Variants in B4GALNT3 observed in about 807,000 individuals in gnomAD.
The protein encoded by B4GALNT3 is beta-1,4-N-acetylgalactosaminyltransferase 3.
In B4GALNT3, 86 loss-of-function variants were observed where a neutral mutation model predicts 120.2. The observed-to-expected ratio is 0.72, with a 90% CI of 0.60 to 0.86. The LOEUF (loss-of-function observed/expected upper bound fraction) is 0.86. Among genes scored for constraint, B4GALNT3 ranks in the 40% least tolerant of loss-of-function variants. B4GALNT3 has a pLI of 0.00. For synonymous variants in B4GALNT3, 518 were observed against 510.4 expected (o/e 1.01, Z -0.20); for missense variants, 1,167 against 1,298.9 (o/e 0.90, Z 1.56).
rs758728981 is a variant in B4GALNT3 at position 553,559 on chromosome 12, G to GGGCCCA, written c.1648_1653dup (p.Arg550_Pro551dup). On this transcript the variant is annotated inframe_insertion, in exon 14 of 20. Coordinates refer to ENST00000266383, the MANE Select transcript of B4GALNT3 (RefSeq NM_173593.4). Reference sequence around the variant, plus strand: ...TGTGAAGAACCTGCCTCAGATGAGGGGGCCCAGGCCCAGGCCCGCTGGTGA... The same window carrying GGGCCCA: ...TGTGAAGAACCTGCCTCAGATGAGGGGGCCCAGGCCCAGGCCCAGGCCCGCTGGTGA... 1.1e-5 allele frequency: 18 copies of GGGCCCA among 1,613,842 alleles called. No homozygotes were observed. The highest frequency in any genetic ancestry group is 8.0e-5 in the African/African-American group (6 of 74,948).
At chr12:512,225 T>C (rs1592032868) in intron 1 of B4GALNT3, among the ~76,000 whole-genome samples, 5 of 52,170 alleles carry the variant, frequency 9.6e-5, no homozygotes, top group Admixed American at 2.0e-4. Context: ...CCTTCCACCT[T>C]CTTCCACCTT....
chr12:460,519 A>G lies in B4GALNT3; in HGVS notation c.143A>G (p.Gln48Arg). 6.4e-7 allele frequency: 1 copy of G among 1,553,288 alleles called. No individual in the cohort carries two copies. Among genetic ancestry groups the G allele is most frequent in the Non-Finnish European group, 8.7e-7 (1 of 1,148,042 alleles). Residue 48 changes from glutamine to arginine, a missense_variant, in exon 1 of 20, where the codon CAG (glutamine) becomes CGG (arginine). Transcript: ENST00000266383. This position sits in a 1 kb window ranked among gnomAD's most constrained non-coding sequence, Gnocchi z 8.0. ...TLYLELVASA[Q>R]VGGNPLNRRY... Reference sequence around the variant, plus strand: ...TATCTGGAACTGGTGGCGTCGGCCCAGGTCGGCGGGAACCCCCTGAACCGG... The same window carrying G: ...TATCTGGAACTGGTGGCGTCGGCCCGGGTCGGCGGGAACCCCCTGAACCGG...
intron 1 of B4GALNT3, among the ~76,000 whole-genome samples, chr12:510,498 AAAC>A (rs1946537167): frequency 5.9e-4 from 87 of 147,394 alleles, no homozygotes; most frequent in South Asian, 1.1e-3. Context: ...GCTGGGAGGG[AAAC>A]GGGCCCTTTC....
chr12:511,465 TCCACCTTCTTCCACCTTCTTCCAC>T (rs1484285102), intron 1 of B4GALNT3, among the ~76,000 whole-genome samples: 17 of 80,426 alleles, frequency 2.1e-4, no homozygotes, highest in East Asian at 1.9e-3. Context: ...TCTTCCACCT[TCCACCTTCTTCCACCTTCTTCCAC>T]CTTCCACCTT....
intron 1 of B4GALNT3, among the ~76,000 whole-genome samples, chr12:512,991 T>TCCTTCCA (rs993481009): frequency 3.3e-5 from 4 of 122,998 alleles, no homozygotes; most frequent in Admixed American, 7.7e-5. Context: ...CCTTCGATCT[T>TCCTTCCA]CCTTCCACCT....
chr12:544,061 A>G (rs375867359), intron 3 of B4GALNT3, among the ~76,000 whole-genome samples: 1,125 of 27,498 alleles, frequency 0.041, no homozygotes, highest in Admixed American at 0.047. Context: ...TCATCTTCCC[A>G]GAGCTGAGGA....
chr12:494,843 A>G (rs140710517), intron 1 of B4GALNT3, among the ~76,000 whole-genome samples: 3 of 152,188 alleles, frequency 2.0e-5, no homozygotes, highest in African/African-American at 7.2e-5. Context: ...ATTCTTATGT[A>G]TTCTTTGATA....
chr12:552,610 C>T (rs1272132827), intron 13 of B4GALNT3, 82 bp downstream of exon 13: 3 of 1,362,178 alleles, frequency 2.2e-6, no homozygotes, highest in African/African-American at 2.9e-5. Context: ...CAGACCGTGC[C>T]AGCCCCGCCC....
At chr12:529,386 A>G (rs974050461) in intron 1 of B4GALNT3, among the ~76,000 whole-genome samples, 4 of 152,150 alleles carry the variant, frequency 2.6e-5, no homozygotes, top group African/African-American at 9.7e-5. Flanking sequence ...GACTTGCGCC[A>G]TCCGCTGGGT....
At chr12:502,814 G>C (rs1190473435) in intron 1 of B4GALNT3, among the ~76,000 whole-genome samples, 1 of 152,186 alleles carries the variant, frequency 6.6e-6, no homozygotes, top group Non-Finnish European at 1.5e-5. Flanking sequence ...GAGTGCAGTA[G>C]TGTGATCATA....
intron 1 of B4GALNT3, among the ~76,000 whole-genome samples, chr12:470,442 G>T (rs1004612457): frequency 6.6e-6 from 1 of 152,260 alleles, no homozygotes; most frequent in Admixed American, 6.5e-5. Flanking sequence ...AGCTGGTCCC[G>T]ACTGCTCACC....
At chr12:557,859 C>T (rs1242903796) in intron 16 of B4GALNT3, 98 bp downstream of exon 16, 1 of 1,489,276 alleles carries the variant, frequency 6.7e-7, no homozygotes, top group Non-Finnish European at 9.1e-7. Context: ...CCTGCCCAGC[C>T]TTCCTGATTC....
intron 1 of B4GALNT3, among the ~76,000 whole-genome samples, chr12:498,795 C>A (rs759654889): frequency 3.9e-5 from 6 of 152,186 alleles, no homozygotes; most frequent in Non-Finnish European, 5.9e-5. Flanking sequence ...CCTTCAAGCA[C>A]GCTGGACAGC....
intron 1 of B4GALNT3, among the ~76,000 whole-genome samples, chr12:511,915 TCTTCCAC>T (rs1174200582): frequency 3.8e-4 from 36 of 93,922 alleles, no homozygotes; most frequent in African/African-American, 1.3e-3. Flanking sequence ...CCTTCGACCT[TCTTCCAC>T]CTTCCACCTT....
chr12:519,196 C>T (rs1946683724), intron 1 of B4GALNT3, among the ~76,000 whole-genome samples: 1 of 152,220 alleles, frequency 6.6e-6, no homozygotes, highest in African/African-American at 2.4e-5. Flanking sequence ...TCTTACCCTA[C>T]AAATTGCCTA....
At chr12:557,321 G>A (rs371749519) in intron 15 of B4GALNT3, among the ~76,000 whole-genome samples, 8 of 152,200 alleles carry the variant, frequency 5.3e-5, no homozygotes, top group Admixed American at 1.3e-4. Context: ...CTAGTAGAGC[G>A]TGGCAGGGCT....
chr12:492,151 G>GA (rs1309772390), intron 1 of B4GALNT3, among the ~76,000 whole-genome samples: 2 of 151,564 alleles, frequency 1.3e-5, no homozygotes, highest in Admixed American at 6.6e-5. Context: ...ACAAGAAAAG[G>GA]AAAAAAAGGT....
chr12:464,976 A>T (rs1946062893), intron 1 of B4GALNT3, among the ~76,000 whole-genome samples: 1 of 152,170 alleles, frequency 6.6e-6, no homozygotes. Context: ...GAGAGAGGTA[A>T]TGCAGGGCAC....
intron 1 of B4GALNT3, among the ~76,000 whole-genome samples, chr12:510,481 T>TGGCGGGGCTGGGAG (rs1946536889): frequency 6.8e-6 from 1 of 147,608 alleles, no homozygotes; most frequent in Non-Finnish European, 1.5e-5. Flanking sequence ...TCAGGGGAGT[T>TGGCGGGGCTGGGAG]GGCTGGGCTG....
Sources: allele counts gnomAD v4.1 joint callset (sites outside exome capture counted in the v4.1 genomes callset), GRCh38; gene constraint gnomAD v4.1.1; non-coding constraint Gnocchi (gnomAD v3.1); transcripts MANE v1.5; gene names NCBI Gene and HGNC (gene_info 2026-07-23, HGNC 2026-07-21).